The following MSMB variants were observed in gnomAD, a reference collection of about 807,000 sequenced individuals.
MSMB encodes the protein beta-microseminoprotein.
MSMB carries 10 observed loss-of-function variants against 10.5 expected under a neutral mutation model. That is an observed-to-expected ratio of 0.95 (90% CI 0.59 to 1.62). The LOEUF (loss-of-function observed/expected upper bound fraction) is 1.62. MSMB is among the 40% of genes most tolerant of loss of function. MSMB has a pLI of 0.00. For missense variants in MSMB, 126 were observed against 137.4 expected, an observed-to-expected ratio of 0.92 and a Z score of 0.42; for synonymous variants, 43 against 46.5, an observed-to-expected ratio of 0.93 and a Z score of 0.30.
At chr10:46,045,786 C>T (rs1304056061) in intron 1 of MSMB, among the ~76,000 whole-genome samples, 2 of 152,120 alleles carry the variant, frequency 1.3e-5, no homozygotes, top group Non-Finnish European at 2.9e-5. Context: ...GAGCCCCTGG[C>T]AGGGAGAGAG....
chr10:46,035,826 TA>T lies in MSMB; in HGVS notation c.216-2276del, dbSNP rs74262033. Among the ~76,000 whole-genome samples, 935 of 146,774 alleles carry T rather than the reference TA, an allele frequency of 6.4e-3. 5 individuals carry two copies. Among genetic ancestry groups the T allele is most frequent in the African/African-American group, 0.012 (500 of 40,142 alleles). ...TTATGTAGTATACATTTTACCACAA[TA>T]AAAAAAAAAGGTTAAAAATAAAGTG... On this transcript the variant is annotated intron_variant, in intron 3 of 3. Coordinates refer to ENST00000582163, the MANE Select transcript of MSMB (RefSeq NM_002443.4).
chr10:46,037,905 G>T (rs1171249031), intron 3 of MSMB, among the ~76,000 whole-genome samples: 1 of 152,144 alleles, frequency 6.6e-6, no homozygotes, highest in Non-Finnish European at 1.5e-5. Context: ...TGCAAAATGT[G>T]GTCTCTCCAT....
At chr10:46,041,502 T>C (rs187640685) in intron 1 of MSMB, among the ~76,000 whole-genome samples, 29 of 152,214 alleles carry the variant, frequency 1.9e-4, no homozygotes, top group Admixed American at 1.2e-3. Context: ...CATATATGAA[T>C]AGAAAGATAG....
In MSMB at chr10:46,035,994, C is replaced by T. The variant is rs942239161; in HGVS notation, c.216-2443G>A. Among the ~76,000 whole-genome samples the T allele has an allele frequency of 3.5e-4, 54 of 152,278 alleles. 1 individual carries two copies. The highest frequency in any genetic ancestry group is 3.5e-3 in the Admixed American group (54 of 15,296). On this transcript the variant is annotated intron_variant, in intron 3 of 3. Coordinates refer to ENST00000582163, the MANE Select transcript of MSMB (RefSeq NM_002443.4). ...ATTTCAATGCAAACCAGACTTAGCTCTATAGAGGAAACAGCAGAGAGAGAG... is the reference window on the plus strand; with the variant it reads ...ATTTCAATGCAAACCAGACTTAGCTTTATAGAGGAAACAGCAGAGAGAGAG...
intron 3 of MSMB, among the ~76,000 whole-genome samples, chr10:46,033,877 G>C (rs1287270938): frequency 1.3e-5 from 2 of 152,156 alleles, no homozygotes; most frequent in Non-Finnish European, 2.9e-5. Context: ...CCAGCATATT[G>C]TTGCTAGAAT....
intron 3 of MSMB, among the ~76,000 whole-genome samples, chr10:46,037,219 G>C (rs1840629342): frequency 6.6e-6 from 1 of 152,186 alleles, no homozygotes; most frequent in Non-Finnish European, 1.5e-5. Flanking sequence ...TTAAAATTCA[G>C]ATTCCTTGGC....
intron 3 of MSMB, among the ~76,000 whole-genome samples, chr10:46,033,860 G>T (rs1346375568): frequency 2.0e-5 from 3 of 152,188 alleles, no homozygotes; most frequent in Non-Finnish European, 2.9e-5. Flanking sequence ...CCCTGTTCAG[G>T]AAGTGGCCAG....
At chr10:46,034,871 T>G (rs1590192042) in intron 3 of MSMB, among the ~76,000 whole-genome samples, 1 of 150,824 alleles carries the variant, frequency 6.6e-6, no homozygotes, top group South Asian at 2.1e-4. Context: ...CCAGGCATGG[T>G]GGCACATGCC....
chr10:46,045,033 C>G (rs1364261122), intron 1 of MSMB, among the ~76,000 whole-genome samples: 1 of 152,074 alleles, frequency 6.6e-6, no homozygotes, highest in Non-Finnish European at 1.5e-5. Flanking sequence ...GCCGAGTGGC[C>G]CAGAGGAGGC....
In MSMB at chr10:46,039,085, C is replaced by T. The variant is rs1195581580; in HGVS notation, c.110-14G>A. 3.1e-6 allele frequency: 5 copies of T among 1,609,060 alleles called. No individual in the cohort carries two copies. The highest frequency in any genetic ancestry group is 4.3e-6 in the Non-Finnish European group (5 of 1,175,982). On this transcript the variant is annotated splice_polypyrimidine_tract_variant and intron_variant, in intron 2 of 3. Coordinates refer to ENST00000582163, the MANE Select transcript of MSMB (RefSeq NM_002443.4). ...GATCCATGCATTCTAAAATAATACACACAACATCATCAGTGCAAGTCATGC... is the reference window on the plus strand; with the variant it reads ...GATCCATGCATTCTAAAATAATACATACAACATCATCAGTGCAAGTCATGC...
At chr10:46,044,130 G>T (rs1193423953) in intron 1 of MSMB, among the ~76,000 whole-genome samples, 4 of 152,132 alleles carry the variant, frequency 2.6e-5, no homozygotes, top group Non-Finnish European at 5.9e-5. Flanking sequence ...TCTGCCACCA[G>T]CCTTCCTTCC....
rs200776519 is a variant in MSMB, at chr10:46,040,052, C to T, written c.43G>A (p.Val15Met). 6 of 1,613,922 alleles carry T rather than the reference C, an allele frequency of 3.7e-6. No homozygotes were observed. The highest frequency in any genetic ancestry group is 4.5e-5 in the East Asian group (2 of 44,878). The change falls in exon 2 of 4, where the codon GTG (valine) becomes ATG (methionine). Residue 15 changes from valine (V) to methionine (M), a missense_variant. Transcript: ENST00000582163. ...LGSVVIFATF[V>M]TLCNASCYFI... ...TAGCATGATGCATTGCATAAAGTCA[C>T]GAAGGTGGCAAAGATCACAACGCTG...
At chr10:46,039,708 C>T (rs1590195412) in intron 2 of MSMB, among the ~76,000 whole-genome samples, 1 of 152,154 alleles carries the variant, frequency 6.6e-6, no homozygotes, top group African/African-American at 2.4e-5. Context: ...GTGGCAAAGC[C>T]CCATCTTTAC....
intron 1 of MSMB, among the ~76,000 whole-genome samples, chr10:46,040,833 A>C (rs1840727803): frequency 6.6e-6 from 1 of 152,134 alleles, no homozygotes. Flanking sequence ...GGGTGCCTGT[A>C]GTCCCAGCTA....
chr10:46,038,982 T>C lies in MSMB; in HGVS notation c.199A>G (p.Ile67Val). 3.7e-6 allele frequency: 6 copies of C among 1,613,896 alleles called. No individual in the cohort carries two copies. Among genetic ancestry groups the C allele is most frequent in the Non-Finnish European group, 5.1e-6 (6 of 1,179,810 alleles). The change falls in exon 3 of 4, where the codon ATT (isoleucine) becomes GTT (valine). Residue 67 changes from isoleucine (I) to valine (V), a missense_variant. Transcript: ENST00000582163. ...CETCTCYETEISCCTLVSTPV... is the reference protein window; with the variant it reads ...CETCTCYETEVSCCTLVSTPV... Reference sequence around the variant, plus strand: ...GAGACTTACAGGGTGCAACATGAAATTTCTGTTTCGTAGCAAGTGCATGTC... The same window carrying C: ...GAGACTTACAGGGTGCAACATGAAACTTCTGTTTCGTAGCAAGTGCATGTC...
intron 3 of MSMB, 111 bp from the exon 4 acceptor site, chr10:46,033,662 C>A: frequency 2.0e-6 from 3 of 1,495,588 alleles, no homozygotes; most frequent in Non-Finnish European, 2.7e-6. Flanking sequence ...TAAGGGCACC[C>A]TTTGGCTGGC....
chr10:46,038,181 T>C (rs1203649086), intron 3 of MSMB, among the ~76,000 whole-genome samples: 1 of 152,212 alleles, frequency 6.6e-6, no homozygotes, highest in Non-Finnish European at 1.5e-5. Flanking sequence ...GAACAAGTTC[T>C]GGAGGTGGAT....
At position 46,033,519 on chromosome 10, in the gene MSMB, T is replaced by G; in HGVS notation, c.248A>C (p.Asn83Thr). The G allele has an allele frequency of 6.2e-7, 1 of 1,613,848 alleles. No individual in the cohort carries two copies. The highest frequency in any genetic ancestry group is 8.5e-7 in the Non-Finnish European group (1 of 1,179,736). Residue 83 changes from asparagine (N) to threonine (T), a missense_variant, in exon 4 of 4, where the codon AAC becomes ACC. By Grantham distance (65) the Asn-to-Thr change is moderately conservative. Transcript: ENST00000582163. ...CTCCTTCTTGAAGATTCTTTGGCAG[T>G]TGTCTTTGTCATAACCCACAGGTGT... The part of the protein sequence containing the change: ...VSTPVGYDKD[N>T]CQRIFKKEDC...
chr10:46,033,320 A>C lies in MSMB; in HGVS notation c.*102T>G. On this transcript the variant is annotated 3_prime_UTR_variant, in exon 4 of 4. Transcript: ENST00000582163. ...GACACACATATTCAAGTGTTTGCTC[A>C]AAAATCTTTTTACTGATAGGCATGG... 1.4e-6 allele frequency: 2 copies of C among 1,464,370 alleles called. No homozygotes were observed. The highest frequency in any genetic ancestry group is 4.6e-5 in the East Asian group (2 of 43,398). 90.7% of individuals were successfully genotyped at this position (1,464,370 alleles called of 1,614,324 possible).
Sources: allele counts gnomAD v4.1 joint callset (sites outside exome capture counted in the v4.1 genomes callset), GRCh38; gene constraint gnomAD v4.1.1; transcripts MANE v1.5; gene names NCBI Gene and HGNC (gene_info 2026-07-23, HGNC 2026-07-21).